Variants in CLVS1 observed in about 807,000 individuals in gnomAD.
CLVS1 encodes the protein clavesin-1.
In CLVS1, 10 loss-of-function variants were observed where a neutral mutation model predicts 33.1. That is an observed-to-expected ratio of 0.30 (90% confidence interval 0.19 to 0.51). The LOEUF is 0.51. Ranked by LOEUF, CLVS1 falls within the 20% of genes least tolerant of loss-of-function variation. CLVS1 has a pLI of 0.97. For synonymous variants in CLVS1, 163 were observed against 166.1 expected (o/e 0.98, Z 0.14); for missense variants, 343 against 433.4 (o/e 0.79, Z 1.85).
the CLVS1 span, among the ~76,000 whole-genome samples, chr8:60,973,433 G>A: frequency 6.6e-6 from 1 of 152,172 alleles, no homozygotes; most frequent in Non-Finnish European, 1.5e-5. Context: ...GGGTATCTGA[G>A]TTACTGGTGG....
chr8:61,030,374 C>T, the CLVS1 span, among the ~76,000 whole-genome samples: 5 of 152,038 alleles, frequency 3.3e-5, no homozygotes, highest in Admixed American at 6.5e-5. Flanking sequence ...AATCTAGAAT[C>T]GATGAAGTTA....
intron 5 of CLVS1, among the ~76,000 whole-genome samples, chr8:61,475,222 G>A (rs1817876896): frequency 6.6e-6 from 1 of 152,198 alleles, no homozygotes; most frequent in African/African-American, 2.4e-5. Context: ...TTGGTTCCAA[G>A]TCTTTGCTAT....
At chr8:61,143,259 G>A (rs1806344300) in intron 2 of CLVS1, among the ~76,000 whole-genome samples, 1 of 152,146 alleles carries the variant, frequency 6.6e-6, no homozygotes, top group Non-Finnish European at 1.5e-5. Flanking sequence ...CTGTCCTTGT[G>A]GTGCAGCAAC....
chr8:61,353,856 TA>T (rs1042305041), intron 2 of CLVS1, among the ~76,000 whole-genome samples: 3 of 148,984 alleles, frequency 2.0e-5, no homozygotes, highest in Non-Finnish European at 3.0e-5. Flanking sequence ...CTGACAATAA[TA>T]AAAAGAGAGA....
chr8:61,492,264 T>A (rs1340026319), intron 5 of CLVS1, among the ~76,000 whole-genome samples: 1 of 152,252 alleles, frequency 6.6e-6, no homozygotes, highest in African/African-American at 2.4e-5. Context: ...TTTAATGTCT[T>A]CTTTAACCTA....
chr8:61,265,464 T>G (rs900091141), intron 2 of CLVS1, among the ~76,000 whole-genome samples: 7 of 152,222 alleles, frequency 4.6e-5, no homozygotes, highest in African/African-American at 1.7e-4. Flanking sequence ...ACTACCTATT[T>G]CTTTGAAATT....
intron 2 of CLVS1, among the ~76,000 whole-genome samples, chr8:61,208,977 T>C (rs1807918027): frequency 6.6e-6 from 1 of 152,114 alleles, no homozygotes; most frequent in African/African-American, 2.4e-5. Flanking sequence ...TTAAAAATAG[T>C]GTAAAAGACA....
At chr8:61,321,960 C>T (rs184070648) in intron 2 of CLVS1, among the ~76,000 whole-genome samples, 1 of 152,208 alleles carries the variant, frequency 6.6e-6, no homozygotes, top group East Asian at 1.9e-4. Flanking sequence ...CTTTTCCATA[C>T]ATCTATCAGT....
At chr8:61,375,751 A>G (rs1276062587) in intron 2 of CLVS1, among the ~76,000 whole-genome samples, 2 of 152,200 alleles carry the variant, frequency 1.3e-5, no homozygotes, top group African/African-American at 4.8e-5. Context: ...CTCACCAAAG[A>G]AAAACACTGA....
intron 2 of CLVS1, among the ~76,000 whole-genome samples, chr8:61,355,221 C>T (rs2129599369): frequency 6.6e-6 from 1 of 152,160 alleles, no homozygotes; most frequent in East Asian, 1.9e-4. Flanking sequence ...AAACAATCTT[C>T]CAGAAATATT....
At chr8:61,187,693 C>G (rs1018203799) in intron 2 of CLVS1, among the ~76,000 whole-genome samples, 5 of 151,694 alleles carry the variant, frequency 3.3e-5, no homozygotes, top group African/African-American at 1.2e-4. Flanking sequence ...GTTGCTTGGA[C>G]CAGCTGTCTC....
intron 2 of CLVS1, among the ~76,000 whole-genome samples, chr8:61,258,275 G>T (rs1048595655): frequency 1.3e-5 from 2 of 152,178 alleles, no homozygotes; most frequent in Non-Finnish European, 2.9e-5. Context: ...TGGCATCCAA[G>T]TAGTCAAGAT....
chr8:61,437,159 A>G (rs1032431271), intron 3 of CLVS1, among the ~76,000 whole-genome samples: 2 of 152,152 alleles, frequency 1.3e-5, no homozygotes, highest in Non-Finnish European at 2.9e-5. Context: ...GTTCTCCAAC[A>G]CTTGTTCGTT....
intron 3 of CLVS1, among the ~76,000 whole-genome samples, chr8:61,405,789 A>T (rs1455709473): frequency 2.0e-5 from 3 of 148,116 alleles, no homozygotes; most frequent in African/African-American, 7.6e-5. Flanking sequence ...CTTAATTTAT[A>T]TTGCACCACT....
rs549955338 is a variant in CLVS1 at position 61,240,894 on chromosome 8, G to GTTTTTTTT, written c.-151-58773_-151-58766dup. On this transcript the variant is annotated intron_variant, in intron 2 of 2. Transcript: ENST00000522621. ...CTAAAATGAATGATGTTTGCTGTAG[G>GTTTTTTTT]TTTTTTTTTTTTTTTTTAAAATAGA... 9.6e-3 allele frequency among the ~76,000 whole-genome samples: 1,250 copies of GTTTTTTTT among 130,440 alleles called. 57 individuals are homozygous for GTTTTTTTT. The East Asian group carries it at 0.11, about 12-fold the overall frequency. 85.6% of individuals were successfully genotyped at this position (130,440 alleles called of 152,430 possible).
chr8:61,132,261 C>G (rs573799694), intron 2 of CLVS1, among the ~76,000 whole-genome samples: 2 of 152,366 alleles, frequency 1.3e-5, no homozygotes, highest in African/African-American at 4.8e-5. Context: ...AGGGAGCCCA[C>G]AGGCTGAGCC....
chr8:61,029,329 G>A, the CLVS1 span, among the ~76,000 whole-genome samples: 4 of 152,184 alleles, frequency 2.6e-5, no homozygotes, highest in South Asian at 2.1e-4. Context: ...GGTTTACTGC[G>A]AGTTCCCTGC....
rs368555390 is a variant in CLVS1 at position 61,178,319 on chromosome 8, C to A, written c.-152+46459C>A. On this transcript the variant is annotated intron_variant, in intron 2 of 2. Transcript: ENST00000522621. ...GAGAAAAAGAATAAAAATGAATGAA[C>A]AAAACCACCAAGAAATTTGGGGCTA... Among the ~76,000 whole-genome samples, 6 of 151,906 alleles carry A rather than the reference C, an allele frequency of 3.9e-5. No homozygotes were observed. The South Asian group carries it at 1.3e-3, about 32-fold the overall frequency.
chr8:61,128,891 G>C (rs1484121233), intron 1 of CLVS1, among the ~76,000 whole-genome samples: 1 of 152,200 alleles, frequency 6.6e-6, no homozygotes, highest in Non-Finnish European at 1.5e-5. Context: ...TACAGTCTTA[G>C]AGTTTCTTTT....
Sources: allele counts gnomAD v4.1 joint callset (sites outside exome capture counted in the v4.1 genomes callset), GRCh38; gene constraint gnomAD v4.1.1; transcripts MANE v1.5; gene names NCBI Gene and HGNC (gene_info 2026-07-23, HGNC 2026-07-21).